Variants in ATF6 observed in about 807,000 individuals in gnomAD.
ATF6 encodes the protein cyclic AMP-dependent transcription factor ATF-6 alpha.
Under a neutral mutation model 83.6 loss-of-function variants are expected in ATF6, and 53 were observed. The ratio of observed to expected loss-of-function variants is 0.63; its 90% CI spans 0.51 to 0.80. ATF6 has a LOEUF of 0.80. Among genes scored for constraint, ATF6 ranks in the 30% least tolerant of loss-of-function variants. The pLI is 0.00. For missense variants in ATF6, 744 were observed against 797.9 expected (o/e 0.93, Z 0.81); for synonymous variants, 288 against 285.8 (o/e 1.01, Z -0.08).
intron 9 of ATF6, among the ~76,000 whole-genome samples, chr1:161,835,755 G>A (rs909933810): frequency 1.3e-5 from 2 of 152,124 alleles, no homozygotes; most frequent in Admixed American, 6.5e-5. Context: ...TCTGTGAAGG[G>A]AACTTCTTCC....
intron 15 of ATF6, among the ~76,000 whole-genome samples, chr1:161,932,400 G>T (rs1688452129): frequency 6.6e-6 from 1 of 152,036 alleles, no homozygotes; most frequent in East Asian, 1.9e-4. Context: ...CAAGAAATTT[G>T]ATTTGATTTC....
intron 9 of ATF6, among the ~76,000 whole-genome samples, chr1:161,831,012 A>G (rs1686045267): frequency 6.6e-6 from 1 of 152,220 alleles, no homozygotes; most frequent in African/African-American, 2.4e-5. Flanking sequence ...TGAACAGGCA[A>G]CCTACAGAAT....
intron 14 of ATF6, among the ~76,000 whole-genome samples, chr1:161,912,039 A>G (rs1688001741): frequency 6.6e-6 from 1 of 152,180 alleles, no homozygotes; most frequent in African/African-American, 2.4e-5. Context: ...GTGCTACAGC[A>G]TATGTGTTGT....
At chr1:161,881,520 G>A (rs1167038238) in intron 14 of ATF6, among the ~76,000 whole-genome samples, 1 of 152,114 alleles carries the variant, frequency 6.6e-6, no homozygotes, top group Non-Finnish European at 1.5e-5. Flanking sequence ...ATTAACAAAG[G>A]ATACAGATGA....
Position 161,892,927 on chromosome 1 carries a change from C to T in ATF6, c.1720-19369C>T, listed in dbSNP as rs191179517. On this transcript the variant is annotated intron_variant, in intron 14 of 15. Coordinates refer to ENST00000367942, the MANE Select transcript of ATF6 (RefSeq NM_007348.4). ...TGCTGGGATTACAGGCGTGAGCCAC[C>T]GCGCCTGGCGGGTCATTCTTTAAAG... Among the ~76,000 whole-genome samples, 43 of 151,892 alleles carry T rather than the reference C, an allele frequency of 2.8e-4. No individual in the cohort carries two copies. The East Asian group carries it at 6.5e-3, about 23-fold the overall frequency.
At chr1:161,817,994 G>A (rs573469341) in intron 7 of ATF6, among the ~76,000 whole-genome samples, 2 of 151,752 alleles carry the variant, frequency 1.3e-5, no homozygotes, top group East Asian at 3.9e-4. Flanking sequence ...CCAGCTACTC[G>A]GGAGGCTGAG....
chr1:161,782,667 C>T (rs1282326484), intron 3 of ATF6, among the ~76,000 whole-genome samples: 2 of 152,190 alleles, frequency 1.3e-5, no homozygotes, highest in African/African-American at 4.8e-5. Flanking sequence ...AGCACATTCT[C>T]CTATCTAAAT....
intron 15 of ATF6, among the ~76,000 whole-genome samples, chr1:161,950,832 A>G (rs1427134713): frequency 6.6e-6 from 1 of 152,194 alleles, no homozygotes; most frequent in Non-Finnish European, 1.5e-5. Flanking sequence ...TAGAAACTCT[A>G]TTTGAAGAAA....
chr1:161,944,004 TC>T (rs1258237769), intron 15 of ATF6, among the ~76,000 whole-genome samples: 6 of 152,186 alleles, frequency 3.9e-5, no homozygotes, highest in African/African-American at 1.4e-4. Flanking sequence ...TAGCAGGCAC[TC>T]AATAAATATT....
chr1:161,913,847 A>G (rs890154861), intron 15 of ATF6, among the ~76,000 whole-genome samples: 1 of 152,242 alleles, frequency 6.6e-6, no homozygotes, highest in African/African-American at 2.4e-5. Flanking sequence ...AGCTTTATCA[A>G]GGCAGAATTC....
At chr1:161,860,544 G>T (rs903044139) in intron 13 of ATF6, among the ~76,000 whole-genome samples, 1 of 151,590 alleles carries the variant, frequency 6.6e-6, no homozygotes, top group African/African-American at 2.4e-5. Context: ...TCATAATTTT[G>T]ATGAAAATCT....
intron 3 of ATF6, among the ~76,000 whole-genome samples, 169 bp from the exon 4 acceptor site, chr1:161,783,821 A>C (rs1422260519): frequency 1.3e-5 from 2 of 151,914 alleles, no homozygotes; most frequent in African/African-American, 4.8e-5. Flanking sequence ...AAGTGGAAAC[A>C]TACTAGATAT....
intron 9 of ATF6, among the ~76,000 whole-genome samples, chr1:161,844,898 C>T (rs1686446239): frequency 6.6e-6 from 1 of 152,128 alleles, no homozygotes; most frequent in Admixed American, 6.6e-5. Context: ...TCTCTTACCT[C>T]ATTTGTGGCA....
At chr1:161,782,313 CAA>C (rs1684651700) in intron 3 of ATF6, among the ~76,000 whole-genome samples, 2 of 152,126 alleles carry the variant, frequency 1.3e-5, no homozygotes, top group African/African-American at 4.8e-5. Flanking sequence ...CTTAGGGAAT[CAA>C]AGGGAAGAGC....
intron 15 of ATF6, among the ~76,000 whole-genome samples, chr1:161,927,448 C>T (rs895567946): frequency 3.3e-5 from 5 of 152,122 alleles, no homozygotes; most frequent in South Asian, 2.1e-4. Context: ...GGATTACAAG[C>T]GTGAGCCACC....
At chr1:161,805,846 T>G (rs545722824) in intron 7 of ATF6, among the ~76,000 whole-genome samples, 3 of 152,304 alleles carry the variant, frequency 2.0e-5, no homozygotes, top group East Asian at 3.9e-4. Context: ...TTTTGTGGCT[T>G]TGTAATGCTG....
rs1689071224 is a variant in ATF6, at chr1:161,960,219, A to G, written c.*1565A>G. 7 of 152,158 alleles carry G rather than the reference A, an allele frequency of 4.6e-5. No individual in the cohort carries two copies. The highest frequency in any genetic ancestry group is 2.4e-5 in the African/African-American group (1 of 41,426). 9.4% of individuals were successfully genotyped at this position (152,158 alleles called of 1,614,324 possible). A position where few individuals can be genotyped will look rare whatever the true frequency, so the allele number is the denominator to read the frequency against. On this transcript the variant is annotated 3_prime_UTR_variant, in exon 16 of 16. Transcript: ENST00000367942. ...ACAGCGATGTCCTCTCTAATGTTCT[A>G]CCTTTCAGTTTCTAAAGTGAGTCTT...
chr1:161,780,112 GT>G (rs1009268642), intron 2 of ATF6, among the ~76,000 whole-genome samples: 4 of 151,958 alleles, frequency 2.6e-5, no homozygotes, highest in African/African-American at 4.8e-5. Context: ...TTAAAAAATG[GT>G]TTTTTTATGA....
At chr1:161,920,301 T>TTTTTTTTTTTTTTTTTTTTTTTTTTTTG (rs1688184148) in intron 15 of ATF6, among the ~76,000 whole-genome samples, 1 of 88,840 alleles carries the variant, frequency 1.1e-5, no homozygotes, top group Admixed American at 1.0e-4. Context: ...TCTCTTTTTT[T>TTTTTTTTTTTTTTTTTTTTTTTTTTTTG]TTTTTTTTTT....
Sources: allele counts gnomAD v4.1 joint callset (sites outside exome capture counted in the v4.1 genomes callset), GRCh38; gene constraint gnomAD v4.1.1; transcripts MANE v1.5; gene names NCBI Gene and HGNC (gene_info 2026-07-23, HGNC 2026-07-21).